The following FAT1 variants were observed in gnomAD, a reference collection of about 807,000 sequenced individuals.
The protein encoded by FAT1 is protocadherin Fat 1.
Under a neutral mutation model 329.8 loss-of-function variants are expected in FAT1, and 171 were observed. That is an observed-to-expected ratio of 0.52 (90% CI 0.46 to 0.59). The LOEUF (loss-of-function observed/expected upper bound fraction) is 0.59. Among genes scored for constraint, FAT1 ranks in the 20% least tolerant of loss-of-function variants. The pLI is 0.00. For synonymous variants in FAT1, 2,233 were observed against 2,228.6 expected (o/e 1.00, Z -0.06); for missense variants, 5,672 against 5,774.4 (o/e 0.98, Z 0.57).
chr4:186,618,475 G>C lies in FAT1; in HGVS notation c.8111C>G (p.Ser2704Ter), dbSNP rs1429786021. ...CACTGTAAAGGTATAGAAAGGTTCT[G>C]AAAATTTTGGAAGCTGCATTTCCGG... ...LPPEMQLPKF[S>*]EPFYTFTVSE... The change falls in exon 10 of 27, where the codon TCA becomes TGA. Residue 2704 changes from serine to a stop codon, truncating the protein, a stop_gained. Transcript: ENST00000441802. LOFTEE classifies it high-confidence loss of function. The C allele has an allele frequency of 6.2e-7, 1 of 1,614,022 alleles. No homozygotes were observed. Among genetic ancestry groups the C allele is most frequent in the Non-Finnish European group, 8.5e-7 (1 of 1,179,904 alleles).
chr4:186,722,635 C>G (rs1477139224), intron 1 of FAT1, among the ~76,000 whole-genome samples: 1 of 152,198 alleles, frequency 6.6e-6, no homozygotes, highest in Non-Finnish European at 1.5e-5. Flanking sequence ...TAACCAAACT[C>G]ATTAAGAATA....
In FAT1 at chr4:186,620,136, A is replaced by T. The variant is rs1281424040; in HGVS notation, c.6450T>A (p.Tyr2150Ter). The T allele has an allele frequency of 6.2e-7, 1 of 1,613,970 alleles. No individual in the cohort carries two copies. The highest frequency in any genetic ancestry group is 1.1e-5 in the South Asian group (1 of 91,068). ...CATCTTTTGCAACCACTGTAACAAG[A>T]TATTCTTTATTTAAGGTGTCAAGCT... ...QFELDTLNKE[Y>*]LVTVVAKDGG... Residue 2150 changes from tyrosine (Y) to a stop codon, truncating the protein, a stop_gained, in exon 10 of 27, where the codon TAT becomes TAA. Transcript: ENST00000441802. LOFTEE classifies it high-confidence loss of function.
intron 2 of FAT1, among the ~76,000 whole-genome samples, chr4:186,672,594 T>A (rs78556102): frequency 6.6e-6 from 1 of 152,136 alleles, no homozygotes; most frequent in Non-Finnish European, 1.5e-5. Context: ...ACTCAAGATA[T>A]AGCAGAGAAG....
chr4:186,636,112 T>C lies in FAT1; in HGVS notation c.4096A>G (p.Thr1366Ala), dbSNP rs1740804096. 6.2e-7 allele frequency: 1 copy of C among 1,613,926 alleles called. No individual in the cohort carries two copies. Among genetic ancestry groups the C allele is most frequent in the Non-Finnish European group, 8.5e-7 (1 of 1,179,870 alleles). ...ISFEESFFTFTVMESDPVAHM... is the reference protein window; with the variant it reads ...ISFEESFFTFAVMESDPVAHM... Reference sequence around the variant, plus strand: ...GCAACGGGGTCACTTTCCATCACAGTAAAGGTAAAAAATGATTCTTCAAAT... The same window carrying C: ...GCAACGGGGTCACTTTCCATCACAGCAAAGGTAAAAAATGATTCTTCAAAT... The change falls in exon 6 of 27, where the codon ACT becomes GCT. Residue 1366 changes from threonine to alanine, a missense_variant. Thr to Ala is a moderately conservative substitution (Grantham distance 58, BLOSUM62 0). Coordinates refer to ENST00000441802, the MANE Select transcript of FAT1 (RefSeq NM_005245.4).
At chr4:186,663,976 T>G (rs185262203) in intron 2 of FAT1, among the ~76,000 whole-genome samples, 1 of 152,154 alleles carries the variant, frequency 6.6e-6, no homozygotes, top group East Asian at 1.9e-4. Context: ...CAACACTTCA[T>G]TTTTCCATAG....
At chr4:186,691,925 A>G (rs1743781912) in intron 2 of FAT1, among the ~76,000 whole-genome samples, 2 of 151,226 alleles carry the variant, frequency 1.3e-5, no homozygotes, top group Admixed American at 6.6e-5. Flanking sequence ...TACTGTGGCT[A>G]CTATTTTTTT....
At chr4:186,725,195 A>G (rs981374620), upstream of FAT1, among the ~76,000 whole-genome samples, 2 of 152,086 alleles carry the variant, frequency 1.3e-5, no homozygotes, top group South Asian at 2.1e-4. This position sits in a 1 kb window ranked among gnomAD's most constrained non-coding sequence, Gnocchi z 5.4. Context: ...GGTCAATTTC[A>G]TACATGGAAC....
chr4:186,689,860 T>A (rs886144400), intron 2 of FAT1, among the ~76,000 whole-genome samples: 1 of 152,164 alleles, frequency 6.6e-6, no homozygotes, highest in Non-Finnish European at 1.5e-5. Flanking sequence ...GATCTCTTAA[T>A]ATCCAGAGGA....
In FAT1 at chr4:186,707,193, T is replaced by G. The variant is rs1579484704; in HGVS notation, c.2635A>C (p.Ile879Leu). ...SIDSVTGVVNIARPLDRELQH... is the reference protein window; with the variant it reads ...SIDSVTGVVNLARPLDRELQH... ...AGCTCTCGATCCAGAGGGCGTGCGA[T>G]GTTAACAACACCCGTCACGCTGTCA... The change falls in exon 2 of 27, where the codon ATC (isoleucine) becomes CTC (leucine). Residue 879 changes from isoleucine (I) to leucine (L), a missense_variant. Around this residue, in one of 2 missense-constraint regions of FAT1, gnomAD observed 3,966 missense variants for 3,915.2 expected, o/e 1.01. Coordinates refer to ENST00000441802, the MANE Select transcript of FAT1 (RefSeq NM_005245.4). 1 of 1,613,980 alleles carries G rather than the reference T, an allele frequency of 6.2e-7. No homozygotes were observed. Among genetic ancestry groups the G allele is most frequent in the South Asian group, 1.1e-5 (1 of 91,084 alleles).
chr4:186,700,408 G>C (rs899958150), intron 2 of FAT1, among the ~76,000 whole-genome samples: 1 of 152,196 alleles, frequency 6.6e-6, no homozygotes, highest in Non-Finnish European at 1.5e-5. Context: ...CCACGCCTTC[G>C]CTGGCCTGAT....
rs1410593743 is a variant in FAT1 at position 186,619,487 on chromosome 4, T to A, written c.7099A>T (p.Met2367Leu). 6.2e-7 allele frequency: 1 copy of A among 1,613,938 alleles called. No individual in the cohort carries two copies. Among genetic ancestry groups the A allele is most frequent in the Non-Finnish European group, 8.5e-7 (1 of 1,179,884 alleles). The stretch of plus-strand genomic sequence containing the variant: ...ATCACATCACTGCTCAGCGTGGGCA[T>A]ACCACCATCAACTGCCCTCACAAAA... Reference protein sequence around the residue: ...TIFVRAVDGGMPTLSSDVIVT... With the variant: ...TIFVRAVDGGLPTLSSDVIVT... Residue 2367 changes from methionine (M) to leucine (L), a missense_variant, in exon 10 of 27, where the codon ATG (methionine) becomes TTG (leucine). This residue lies in a region of FAT1 where 3,966 missense variants were observed against 3,915.2 expected (regional missense o/e 1.01). Coordinates refer to ENST00000441802, the MANE Select transcript of FAT1 (RefSeq NM_005245.4).
At chr4:186,660,603 A>G (rs1007667500) in intron 3 of FAT1, among the ~76,000 whole-genome samples, 10 of 152,218 alleles carry the variant, frequency 6.6e-5, no homozygotes, top group African/African-American at 2.4e-4. Context: ...CTGCCAGCGG[A>G]GTGCCTGTGC....
chr4:186,710,632 C>T (rs1445010541), intron 1 of FAT1, among the ~76,000 whole-genome samples: 2 of 152,084 alleles, frequency 1.3e-5, no homozygotes, highest in East Asian at 3.9e-4. Context: ...CAAACTTTAC[C>T]AACTATATCA....
At chr4:186,611,216 C>T (rs1010083287) in intron 14 of FAT1, among the ~76,000 whole-genome samples, 170 bp downstream of exon 14, 1 of 152,096 alleles carries the variant, frequency 6.6e-6, no homozygotes, top group Non-Finnish European at 1.5e-5. Context: ...AATCTGAAGC[C>T]TTCCAAACAA....
chr4:186,605,447 G>A (rs1043722258), intron 17 of FAT1, among the ~76,000 whole-genome samples: 1 of 131,372 alleles, frequency 7.6e-6, no homozygotes, highest in African/African-American at 3.0e-5. Context: ...GAGGTGGAGT[G>A]GGGAAGAGGC....
chr4:186,679,568 T>C (rs1334711296), intron 2 of FAT1, among the ~76,000 whole-genome samples: 1 of 151,968 alleles, frequency 6.6e-6, no homozygotes, highest in Non-Finnish European at 1.5e-5. Context: ...GAAAACTGTC[T>C]GCTTTTTCCA....
chr4:186,637,011 T>C, intron 4 of FAT1, 97 bp from the exon 5 acceptor site: 2 of 1,124,660 alleles, frequency 1.8e-6, no homozygotes, highest in Non-Finnish European at 2.5e-6. Context: ...TGTAAAGCTC[T>C]GCATTTTGCA....
chr4:186,589,124 A>G lies in FAT1; in HGVS notation c.13235T>C (p.Leu4412Pro). Reference sequence around the variant, plus strand: ...GATGGCGTTTGGATCTGCTGAGTACAGGGGTGTCTGCTCATCAATCACCTC... The same window carrying G: ...GATGGCGTTTGGATCTGCTGAGTACGGGGGTGTCTGCTCATCAATCACCTC... ...NYEVIDEQTP[L>P]YSADPNAIDT... is the part of the protein sequence containing the mutation. The change falls in exon 27 of 27, where the codon CTG becomes CCG. Residue 4412 changes from leucine (L) to proline (P), a missense_variant. Around this residue, in one of 2 missense-constraint regions of FAT1, gnomAD observed 1,706 missense variants for 1,859.1 expected, o/e 0.92. Transcript: ENST00000441802. The G allele has an allele frequency of 6.2e-7, 1 of 1,613,886 alleles. No homozygotes were observed. Among genetic ancestry groups the G allele is most frequent in the Non-Finnish European group, 8.5e-7 (1 of 1,179,864 alleles).
chr4:186,616,881 T>C, intron 11 of FAT1, 124 bp downstream of exon 11: 1 of 814,246 alleles, frequency 1.2e-6, no homozygotes, highest in Non-Finnish European at 1.9e-6. Flanking sequence ...TTAACACCTC[T>C]GCTTAATCAG....
Sources: gnomAD v4.1 joint callset for allele counts (sites outside exome capture counted in the v4.1 genomes callset) on GRCh38, gnomAD v4.1.1 for gene constraint, gnomAD v4.1.1 regional missense constraint, Gnocchi (gnomAD v3.1) non-coding constraint, MANE v1.5 for transcripts, NCBI Gene and HGNC (gene_info 2026-07-23, HGNC 2026-07-21) for gene names.